TRIM32: variants seen among roughly 807,000 people sequenced by gnomAD.
TRIM32 encodes the protein E3 ubiquitin-protein ligase TRIM32.
In TRIM32, 19 loss-of-function variants were observed where a neutral mutation model predicts 36.0. That is an observed-to-expected ratio of 0.53 (90% CI 0.37 to 0.77). The LOEUF (loss-of-function observed/expected upper bound fraction) is 0.77. Ranked by LOEUF, TRIM32 falls within the 30% of genes least tolerant of loss-of-function variation. TRIM32 has a pLI of 0.00. For synonymous variants in TRIM32, 309 were observed against 318.5 expected (o/e 0.97, Z 0.32); for missense variants, 747 against 845.2 (o/e 0.88, Z 1.44).
In TRIM32 at chr9:116,697,923, T is replaced by A; in HGVS notation, c.181T>A (p.Cys61Ser). 6.2e-7 allele frequency: 1 copy of A among 1,614,216 alleles called. No individual in the cohort carries two copies. Among genetic ancestry groups the A allele is most frequent in the Non-Finnish European group, 8.5e-7 (1 of 1,180,026 alleles). ...LLASSINGVR[C>S]PFCSKITRIT... ...GGCCAGTAGCATCAATGGTGTCCGC[T>A]GTCCCTTTTGCAGCAAGATTACCCG... The change falls in exon 2 of 2, where the codon TGT becomes AGT. Residue 61 changes from cysteine to serine, a missense_variant. By Grantham distance (112) the Cys-to-Ser change is moderately radical. Coordinates refer to ENST00000450136, the MANE Select transcript of TRIM32 (RefSeq NM_012210.4).
chr9:116,694,677 T>G (rs1471621986), intron 1 of TRIM32, among the ~76,000 whole-genome samples: 2 of 150,184 alleles, frequency 1.3e-5, no homozygotes, highest in East Asian at 3.9e-4. Context: ...TTCACCGTCT[T>G]AGCCAGGATG....
At chr9:116,691,864 G>A (rs1219848073) in intron 1 of TRIM32, among the ~76,000 whole-genome samples, 5 of 152,154 alleles carry the variant, frequency 3.3e-5, no homozygotes, top group Non-Finnish European at 5.9e-5. Context: ...TTAGAAAGCT[G>A]ACATAAAAGG....
chr9:116,699,782 C>T lies in TRIM32; in HGVS notation c.*78C>T. The T allele has an allele frequency of 6.3e-7, 1 of 1,589,280 alleles. No individual in the cohort carries two copies. Among genetic ancestry groups the T allele is most frequent in the Non-Finnish European group, 8.6e-7 (1 of 1,159,178 alleles). The stretch of plus-strand genomic sequence containing the variant: ...AGTTCTTGGTTGTTAGTGGCACATG[C>T]AGAATAGACTCAGCCTATGTCCTGA... On this transcript the variant is annotated 3_prime_UTR_variant, in exon 2 of 2. Transcript: ENST00000450136. The surrounding 1 kb of genome is among the most constrained non-coding windows in gnomAD (Gnocchi z 4.2).
chr9:116,698,593 G>T lies in TRIM32; in HGVS notation c.851G>T (p.Gly284Val). Residue 284 changes from glycine to valine, a missense_variant, in exon 2 of 2, where the codon GGT becomes GTT. Transcript: ENST00000450136. This position sits in a 1 kb window ranked among gnomAD's most constrained non-coding sequence, Gnocchi z 4.4. The part of the protein sequence containing the change: ...TLQDVELLKV[G>V]HVGPLQIGQA... Reference sequence around the variant, plus strand: ...CAAGATGTGGAGCTCCTTAAGGTAGGTCATGTTGGCCCCCTCCAAATTGGA... The same window carrying T: ...CAAGATGTGGAGCTCCTTAAGGTAGTTCATGTTGGCCCCCTCCAAATTGGA... The T allele has an allele frequency of 1.2e-6, 2 of 1,614,074 alleles. No homozygotes were observed. Among genetic ancestry groups the T allele is most frequent in the Non-Finnish European group, 1.7e-6 (2 of 1,180,018 alleles).
chr9:116,701,236 T>C lies in TRIM32; in HGVS notation c.*1532T>C, dbSNP rs1054628069. On this transcript the variant is annotated 3_prime_UTR_variant, in exon 2 of 2. Transcript: ENST00000450136. Reference sequence around the variant, plus strand: ...TTGTTTTTATGGTAGTAGTGTTTCTTTGGATTGTATCATAATAGCTGCCAA... The same window carrying C: ...TTGTTTTTATGGTAGTAGTGTTTCTCTGGATTGTATCATAATAGCTGCCAA... 1.2e-5 allele frequency: 2 copies of C among 167,112 alleles called. No individual in the cohort carries two copies. The highest frequency in any genetic ancestry group is 4.8e-5 in the African/African-American group (2 of 41,448). 10.4% of individuals were successfully genotyped at this position (167,112 alleles called of 1,614,324 possible).
At position 116,699,743 on chromosome 9, in the gene TRIM32, A is replaced by T; in HGVS notation, c.*39A>T. 6.2e-7 allele frequency: 1 copy of T among 1,613,928 alleles called. No individual in the cohort carries two copies. Among genetic ancestry groups the T allele is most frequent in the Non-Finnish European group, 8.5e-7 (1 of 1,179,954 alleles). The stretch of plus-strand genomic sequence containing the variant: ...ATCAGTTTCTTCTGCTCCCAAGCCA[A>T]CTTCCCTTCCCTTAGTTCTTGGTTG... On this transcript the variant is annotated 3_prime_UTR_variant, in exon 2 of 2. Coordinates refer to ENST00000450136, the MANE Select transcript of TRIM32 (RefSeq NM_012210.4). This position sits in a 1 kb window ranked among gnomAD's most constrained non-coding sequence, Gnocchi z 4.2.
In TRIM32 at chr9:116,698,008, C is replaced by A. The variant is rs1403293489; in HGVS notation, c.266C>A (p.Ala89Asp). ...NLTVLKIIDT[A>D]GLSEAVGLLM... ...ACAGTGCTAAAGATCATTGATACAG[C>A]TGGGCTCAGCGAGGCTGTGGGGCTG... Residue 89 changes from alanine (A) to aspartate (D), a missense_variant, in exon 2 of 2, where the codon GCT becomes GAT. Physicochemically the swap from Ala to Asp is moderately radical, Grantham distance 126. Coordinates refer to ENST00000450136, the MANE Select transcript of TRIM32 (RefSeq NM_012210.4). This position sits in a 1 kb window ranked among gnomAD's most constrained non-coding sequence, Gnocchi z 4.4. 6.2e-7 allele frequency: 1 copy of A among 1,614,012 alleles called. No homozygotes were observed. Among genetic ancestry groups the A allele is most frequent in the Non-Finnish European group, 8.5e-7 (1 of 1,180,048 alleles).
At chr9:116,689,842 C>A (rs1275987394) in intron 1 of TRIM32, among the ~76,000 whole-genome samples, 2 of 152,076 alleles carry the variant, frequency 1.3e-5, no homozygotes, top group Non-Finnish European at 2.9e-5. Context: ...TGAGGTGCAA[C>A]GGACTATAGG....
rs1860301199 is a variant in TRIM32, at chr9:116,687,364, G to C, written c.-99G>C. 1.6e-6 allele frequency: 1 copy of C among 644,098 alleles called. No individual in the cohort carries two copies. Among genetic ancestry groups the C allele is most frequent in the Non-Finnish European group, 1.9e-6 (1 of 518,774 alleles). The allele number at this position is 644,098 out of a possible 1,614,324, so 39.9% of individuals were successfully genotyped here. ...GTGGGCTGCCGGCGGTGGACTCGTC[G>C]GAGCCGCGGGCGGTCAGGTAGGGGG... On this transcript the variant is annotated 5_prime_UTR_variant, in exon 1 of 2. Coordinates refer to ENST00000450136, the MANE Select transcript of TRIM32 (RefSeq NM_012210.4).
At position 116,700,432 on chromosome 9, in the gene TRIM32, G is replaced by A. The variant is rs1353069489; in HGVS notation, c.*728G>A. ...CTTGCCTTTTAAAGAAGCATATATGGGTTGGAATTATGCCAAAGCATAGGA... is the reference window on the plus strand; with the variant it reads ...CTTGCCTTTTAAAGAAGCATATATGAGTTGGAATTATGCCAAAGCATAGGA... On this transcript the variant is annotated 3_prime_UTR_variant, in exon 2 of 2. Transcript: ENST00000450136. 1 of 167,090 alleles carries A rather than the reference G, an allele frequency of 6.0e-6. No homozygotes were observed. The highest frequency in any genetic ancestry group is 2.4e-5 in the African/African-American group (1 of 41,430). The allele number at this position is 167,090 out of a possible 1,614,324, so 10.4% of individuals were successfully genotyped here. A position where few individuals can be genotyped will look rare whatever the true frequency, so the allele number is the denominator to read the frequency against.
Position 116,698,098 on chromosome 9 carries a change from T to TA in TRIM32, c.357dup (p.Cys120MetfsTer2). Reference sequence around the variant, plus strand: ...TTCTGCCGGAGCTGTGGTTTGGTGTTATGTGAGCCCTGCCGGGAGGCAGAC... The same window carrying TA: ...TTCTGCCGGAGCTGTGGTTTGGTGTTAATGTGAGCCCTGCCGGGAGGCAGAC... On this transcript the variant is annotated frameshift_variant, in exon 2 of 2. Transcript: ENST00000450136. LOFTEE classifies it high-confidence loss of function. This position sits in a 1 kb window ranked among gnomAD's most constrained non-coding sequence, Gnocchi z 4.4. 6.2e-7 allele frequency: 1 copy of TA among 1,614,082 alleles called. No homozygotes were observed. The highest frequency in any genetic ancestry group is 8.5e-7 in the Non-Finnish European group (1 of 1,180,024).
At position 116,700,574 on chromosome 9, in the gene TRIM32, T is replaced by C. The variant is rs555570915; in HGVS notation, c.*870T>C. ...CCTGTGTCTAAGGAATTGTACAACA[T>C]AGGCCAGGGCCAACAAAGTGGAGAG... On this transcript the variant is annotated 3_prime_UTR_variant, in exon 2 of 2. Transcript: ENST00000450136. 1.2e-5 allele frequency: 2 copies of C among 167,228 alleles called. No homozygotes were observed. Among genetic ancestry groups the C allele is most frequent in the Middle Eastern group, 6.8e-3 (2 of 296 alleles). 10.4% of individuals were successfully genotyped at this position (167,228 alleles called of 1,614,324 possible). A position where few individuals can be genotyped will look rare whatever the true frequency, so the allele number is the denominator to read the frequency against.
chr9:116,693,687 G>GA (rs1159446397), intron 1 of TRIM32, among the ~76,000 whole-genome samples: 1 of 152,206 alleles, frequency 6.6e-6, no homozygotes, highest in Non-Finnish European at 1.5e-5. Flanking sequence ...GAGCCAAGAT[G>GA]ATACATAGCA....
intron 1 of TRIM32, among the ~76,000 whole-genome samples, chr9:116,687,617 C>T (rs1860333396): frequency 6.9e-6 from 1 of 144,930 alleles, no homozygotes; most frequent in Admixed American, 6.8e-5. Flanking sequence ...GGGAGGGGAG[C>T]GAGGGGCTCT....
intron 1 of TRIM32, among the ~76,000 whole-genome samples, chr9:116,692,965 T>G (rs1860647690): frequency 2.6e-5 from 4 of 152,178 alleles, no homozygotes; most frequent in Admixed American, 2.6e-4. Flanking sequence ...CCATCAGTTT[T>G]TAGCCTGTAT....
intron 1 of TRIM32, among the ~76,000 whole-genome samples, chr9:116,693,341 C>G (rs1355610745): frequency 6.6e-6 from 1 of 152,156 alleles, no homozygotes; most frequent in Non-Finnish European, 1.5e-5. Flanking sequence ...CTTTAAGGTT[C>G]ATTCTTTTGT....
At position 116,698,466 on chromosome 9, in the gene TRIM32, T is replaced by C. The variant is rs1471731379; in HGVS notation, c.724T>C (p.Phe242Leu). 6.2e-7 allele frequency: 1 copy of C among 1,613,968 alleles called. No homozygotes were observed. Among genetic ancestry groups the C allele is most frequent in the Non-Finnish European group, 8.5e-7 (1 of 1,180,012 alleles). ...GCAGGCTGTGTCTCGCTGTGACTACTTCCTGGCCAAGATCAAGCAGGCAGA... is the reference window on the plus strand; with the variant it reads ...GCAGGCTGTGTCTCGCTGTGACTACCTCCTGGCCAAGATCAAGCAGGCAGA... ...EVQAVSRCDY[F>L]LAKIKQADVA... The change falls in exon 2 of 2, where the codon TTC becomes CTC. Residue 242 changes from phenylalanine (F) to leucine (L), a missense_variant. Physicochemically the swap from Phe to Leu is conservative, Grantham distance 22 (BLOSUM62 0). Transcript: ENST00000450136. The surrounding 1 kb of genome is among the most constrained non-coding windows in gnomAD (Gnocchi z 4.4).
chr9:116,698,281 G>A lies in TRIM32; in HGVS notation c.539G>A (p.Arg180Lys), dbSNP rs1192492646. The change falls in exon 2 of 2, where the codon AGG becomes AAG. Residue 180 changes from arginine to lysine, a missense_variant. Coordinates refer to ENST00000450136, the MANE Select transcript of TRIM32 (RefSeq NM_012210.4). The surrounding 1 kb of genome is among the most constrained non-coding windows in gnomAD (Gnocchi z 4.4). ...LEGVSKDLQA[R>K]YKAVLQEYGH... ...GGTGTCTCCAAGGACCTTCAGGCAA[G>A]GTATAAAGCAGTTCTCCAGGAGTAT... 1.2e-6 allele frequency: 2 copies of A among 1,614,162 alleles called. No homozygotes were observed. Among genetic ancestry groups the A allele is most frequent in the South Asian group, 2.2e-5 (2 of 91,078 alleles).
intron 1 of TRIM32, chr9:116,697,323 C>A: frequency 4.5e-6 from 1 of 222,250 alleles, no homozygotes; most frequent in Non-Finnish European, 9.1e-6. Flanking sequence ...GTTACTTAGC[C>A]CTTATAATAA....
Sources: gnomAD v4.1 joint callset for allele counts (sites outside exome capture counted in the v4.1 genomes callset) on GRCh38, gnomAD v4.1.1 for gene constraint, Gnocchi (gnomAD v3.1) non-coding constraint, MANE v1.5 for transcripts, NCBI Gene and HGNC (gene_info 2026-07-23, HGNC 2026-07-21) for gene names.